The following LRRC4C variants were observed in gnomAD, a reference collection of about 807,000 sequenced individuals.
LRRC4C encodes the protein leucine rich repeat containing 4C.
A neutral mutation model predicts 33.6 loss-of-function variants in LRRC4C; 5 were observed. That is an observed-to-expected ratio of 0.15 (90% CI 0.08 to 0.31). The LOEUF (loss-of-function observed/expected upper bound fraction) is 0.31. Among genes scored for constraint, LRRC4C ranks in the 10% least tolerant of loss-of-function variants. The pLI is 1.00. For synonymous variants in LRRC4C, 329 were observed against 302.0 expected (o/e 1.09, Z -0.93); for missense variants, 560 against 796.7 (o/e 0.70, Z 3.58).
chr11:40,331,572 T>G (rs1182504854), intron 3 of LRRC4C, among the ~76,000 whole-genome samples: 1 of 152,194 alleles, frequency 6.6e-6, no homozygotes, highest in East Asian at 1.9e-4. Flanking sequence ...TGATTAACAT[T>G]TGAATTAGTA....
At chr11:40,817,582 C>A (rs964353212) in intron 2 of LRRC4C, among the ~76,000 whole-genome samples, 1 of 152,092 alleles carries the variant, frequency 6.6e-6, no homozygotes, top group African/African-American at 2.4e-5. Flanking sequence ...TCCGTAATAT[C>A]CCACTCCCAT....
In LRRC4C at chr11:40,936,014, TTATATATA is replaced by T. The variant is rs56879078; in HGVS notation, c.-495-2299_-495-2292del. ...AAAACTACTAAAAAGATGCCAAATT[TTATATATA>T]TATATATATATATATATATATATAT... On this transcript the variant is annotated intron_variant, in intron 1 of 6. Transcript: ENST00000528697. Among the ~76,000 whole-genome samples the T allele has an allele frequency of 6.7e-3, 328 of 49,234 alleles. 4 individuals are homozygous for T. Among genetic ancestry groups the T allele is most frequent in the South Asian group, 8.9e-3 (12 of 1,350 alleles). The allele number at this position is 49,234 out of a possible 152,430, so 32.3% of individuals were successfully genotyped here.
chr11:40,151,571 G>A lies in LRRC4C; in HGVS notation c.-95-10718C>T, dbSNP rs190082561. On this transcript the variant is annotated intron_variant, in intron 5 of 6. Coordinates refer to ENST00000528697, the MANE Select transcript of LRRC4C (RefSeq NM_001258419.2). ...CTTGCTAGTACGAAATTCTGATTAA[G>A]AACTCAGCCTTAAATTGTTCTGAAG... Among the ~76,000 whole-genome samples, 152 of 152,306 alleles carry A rather than the reference G, an allele frequency of 1.0e-3. 1 individual carries two copies. In the Middle Eastern group the frequency reaches 0.014, roughly 14 times the overall value.
At chr11:40,554,413 T>C (rs1957249390) in intron 3 of LRRC4C, among the ~76,000 whole-genome samples, 1 of 152,206 alleles carries the variant, frequency 6.6e-6, no homozygotes, top group South Asian at 2.1e-4. Context: ...AGCTTTTTTC[T>C]TTTTGCTTAT....
intron 5 of LRRC4C, among the ~76,000 whole-genome samples, chr11:40,217,311 A>G (rs774063216): frequency 2.6e-5 from 4 of 152,166 alleles, no homozygotes; most frequent in African/African-American, 4.8e-5. Context: ...GTCTAGCAAC[A>G]TTAATAAACT....
At chr11:41,452,210 T>C (rs1315291481) in intron 1 of LRRC4C, among the ~76,000 whole-genome samples, 2 of 152,120 alleles carry the variant, frequency 1.3e-5, no homozygotes, top group African/African-American at 2.4e-5. Context: ...CCCTGCACCA[T>C]TGTGTGCTTA....
intron 1 of LRRC4C, among the ~76,000 whole-genome samples, chr11:41,325,575 T>TG (rs369877294): frequency 0.14 from 15,766 of 116,678 alleles, 973 homozygotes; most frequent in Non-Finnish European, 0.18. Flanking sequence ...AGTTTTTTTT[T>TG]TTTGTGTGTG....
chr11:40,733,733 T>C (rs1300845914), intron 2 of LRRC4C, among the ~76,000 whole-genome samples: 2 of 152,160 alleles, frequency 1.3e-5, no homozygotes, highest in East Asian at 3.9e-4. Flanking sequence ...TTAAAATAGA[T>C]CTGATCCTAA....
At chr11:40,580,541 A>G (rs1316029877) in intron 3 of LRRC4C, among the ~76,000 whole-genome samples, 4 of 152,204 alleles carry the variant, frequency 2.6e-5, no homozygotes, top group Non-Finnish European at 5.9e-5. Context: ...TTATTCTGCA[A>G]TAATCTTTAT....
chr11:40,989,682 G>T (rs1853362956), intron 1 of LRRC4C, among the ~76,000 whole-genome samples: 1 of 152,008 alleles, frequency 6.6e-6, no homozygotes, highest in African/African-American at 2.4e-5. Flanking sequence ...GTGGGTGGGG[G>T]AGATTTAATC....
chr11:40,859,688 T>C (rs558733250), intron 2 of LRRC4C, among the ~76,000 whole-genome samples: 34 of 152,142 alleles, frequency 2.2e-4, no homozygotes, highest in South Asian at 1.0e-3. Flanking sequence ...CGCCAAAAGA[T>C]GGAAACAGCC....
chr11:40,664,845 T>C (rs530906780), intron 2 of LRRC4C, among the ~76,000 whole-genome samples: 2 of 152,212 alleles, frequency 1.3e-5, no homozygotes, highest in African/African-American at 4.8e-5. Flanking sequence ...TACATATGTA[T>C]ACATGTGCCA....
intron 1 of LRRC4C, among the ~76,000 whole-genome samples, chr11:41,009,944 T>A (rs892549852): frequency 6.6e-6 from 1 of 152,088 alleles, no homozygotes; most frequent in African/African-American, 2.4e-5. Flanking sequence ...CACTAAGTGG[T>A]GTCTAAATAA....
chr11:40,221,460 T>C (rs572038217), intron 5 of LRRC4C, among the ~76,000 whole-genome samples: 1 of 151,954 alleles, frequency 6.6e-6, no homozygotes, highest in Non-Finnish European at 1.5e-5. Context: ...GGCAGGAGAG[T>C]TCAGTGAAGA....
chr11:40,774,902 C>G (rs1949918061), intron 2 of LRRC4C, among the ~76,000 whole-genome samples: 1 of 152,094 alleles, frequency 6.6e-6, no homozygotes, highest in South Asian at 2.1e-4. Flanking sequence ...AAGCATCAAT[C>G]TTGCAAGTGC....
chr11:40,136,539 G>A (rs140987729), intron 6 of LRRC4C, among the ~76,000 whole-genome samples: 2 of 151,314 alleles, frequency 1.3e-5, no homozygotes, highest in African/African-American at 4.9e-5. Context: ...GCCTCCCAAA[G>A]TGCTGGGATT....
intron 2 of LRRC4C, among the ~76,000 whole-genome samples, chr11:40,737,234 C>T (rs1947917132): frequency 4.6e-5 from 7 of 152,062 alleles, no homozygotes; most frequent in Admixed American, 4.6e-4. Context: ...ATAATAAGAG[C>T]TATTTATGAC....
chr11:41,182,333 T>A (rs760443653), intron 1 of LRRC4C, among the ~76,000 whole-genome samples: 3 of 152,156 alleles, frequency 2.0e-5, no homozygotes, highest in Non-Finnish European at 4.4e-5. Flanking sequence ...ACAGGGGAAA[T>A]TATATTAGTG....
chr11:40,387,414 A>G (rs2137413982), intron 3 of LRRC4C, among the ~76,000 whole-genome samples: 1 of 152,308 alleles, frequency 6.6e-6, no homozygotes, highest in Middle Eastern at 3.4e-3. Context: ...AGGAATTAGG[A>G]AGCAGTAACC....
Sources: allele counts gnomAD v4.1 joint callset (sites outside exome capture counted in the v4.1 genomes callset), GRCh38; gene constraint gnomAD v4.1.1; transcripts MANE v1.5; gene names NCBI Gene and HGNC (gene_info 2026-07-23, HGNC 2026-07-21).